EGLN1: variants seen among roughly 807,000 people sequenced by gnomAD.
EGLN1 encodes egl-9 family hypoxia inducible factor 1.
In EGLN1, 17 loss-of-function variants were observed where a neutral mutation model predicts 38.3. That is an observed-to-expected ratio of 0.44 (90% CI 0.30 to 0.67). The LOEUF (loss-of-function observed/expected upper bound fraction) is 0.67, where lower values mean the gene tolerates loss of function less well. Ranked by LOEUF, EGLN1 falls within the 30% of genes least tolerant of loss-of-function variation. EGLN1 has a pLI of 0.08. For synonymous variants in EGLN1, 283 were observed against 257.5 expected, an observed-to-expected ratio of 1.10 and a Z score of -0.95; for missense variants, 477 against 603.3, an observed-to-expected ratio of 0.79 and a Z score of 2.19.
intron 1 of EGLN1, among the ~76,000 whole-genome samples, chr1:231,401,359 G>A (rs919719416): frequency 6.6e-6 from 1 of 152,150 alleles, no homozygotes; most frequent in Admixed American, 6.5e-5. Flanking sequence ...GGTAGAAAGA[G>A]CACCTAATAG....
rs775579171 is a variant in EGLN1, at chr1:231,421,347, G to C, written c.542C>G (p.Pro181Arg). Residue 181 changes from proline to arginine, a missense_variant, in exon 1 of 5, where the codon CCC becomes CGC. Physicochemically the swap from Pro to Arg is moderately radical, Grantham distance 103 (BLOSUM62 -2). Transcript: ENST00000366641. This position sits in a 1 kb window ranked among gnomAD's most constrained non-coding sequence, Gnocchi z 5.5. ...DALSPGGGLR[P>R]NGQTKPLPAL... ...CGGCAGGGGCTTCGTCTGCCCGTTG[G>C]GCCGCAGGCCGCCGCCGGGGCTCAG... 1 of 1,610,268 alleles carries C rather than the reference G, an allele frequency of 6.2e-7. No individual in the cohort carries two copies. The highest frequency in any genetic ancestry group is 8.5e-7 in the Non-Finnish European group (1 of 1,178,410).
At chr1:231,408,535 A>G (rs1177889935) in intron 1 of EGLN1, among the ~76,000 whole-genome samples, 1 of 152,188 alleles carries the variant, frequency 6.6e-6, no homozygotes, top group Non-Finnish European at 1.5e-5. Flanking sequence ...ATGGAGAAAA[A>G]TGAATTAAGG....
Position 231,366,060 on chromosome 1 carries a change from T to C in EGLN1, c.*351A>G, listed in dbSNP as rs1687637666. On this transcript the variant is annotated 3_prime_UTR_variant, in exon 5 of 5. Coordinates refer to ENST00000366641, the MANE Select transcript of EGLN1 (RefSeq NM_022051.3). The stretch of plus-strand genomic sequence containing the variant: ...AAAATTATCCCAAATTCAAACTTGA[T>C]ATAAAAAAGGGAGAGATGAAATGAA... 3.8e-6 allele frequency: 1 copy of C among 263,892 alleles called. No individual in the cohort carries two copies. The highest frequency in any genetic ancestry group is 6.8e-5 in the South Asian group (1 of 14,722). 16.3% of individuals were successfully genotyped at this position (263,892 alleles called of 1,614,324 possible). A position where few individuals can be genotyped will look rare whatever the true frequency, so the allele number is the denominator to read the frequency against.
chr1:231,414,605 C>A (rs1689029252), intron 1 of EGLN1, among the ~76,000 whole-genome samples: 1 of 152,080 alleles, frequency 6.6e-6, no homozygotes, highest in Non-Finnish European at 1.5e-5. Context: ...AAAATTTAAA[C>A]TAGAATGTCA....
In EGLN1 at chr1:231,370,667, T is replaced by G; in HGVS notation, c.1043A>C (p.Glu348Ala). The change falls in exon 3 of 5, where the codon GAA (glutamate) becomes GCA (alanine). Residue 348 changes from glutamate to alanine, a missense_variant. By Grantham distance (107) the Glu-to-Ala change is moderately radical. Coordinates refer to ENST00000366641, the MANE Select transcript of EGLN1 (RefSeq NM_022051.3). ...AATGTCAGCAAACTGGGCTTTGCCT[T>G]CTGGAAAAATTCGAAGTATACCTCC... is the stretch of plus-strand genomic sequence containing the variant. ...VSGGILRIFPEGKAQFADIEP... is the reference protein window; with the variant it reads ...VSGGILRIFPAGKAQFADIEP... 1 of 1,614,124 alleles carries G rather than the reference T, an allele frequency of 6.2e-7. No individual in the cohort carries two copies. The highest frequency in any genetic ancestry group is 8.5e-7 in the Non-Finnish European group (1 of 1,180,014).
In EGLN1 at chr1:231,365,844, A is replaced by C. The variant is rs1687631392; in HGVS notation, c.*567T>G. ...CAATCTGATTTTTCAGTTGTAATTAAAGTGCTCCTTTTCTTATTTTAAGTA... is the reference window on the plus strand; with the variant it reads ...CAATCTGATTTTTCAGTTGTAATTACAGTGCTCCTTTTCTTATTTTAAGTA... On this transcript the variant is annotated 3_prime_UTR_variant, in exon 5 of 5. Transcript: ENST00000366641. 1 of 154,348 alleles carries C rather than the reference A, an allele frequency of 6.5e-6. No individual in the cohort carries two copies. The highest frequency in any genetic ancestry group is 2.0e-4 in the South Asian group (1 of 4,960). The allele number at this position is 154,348 out of a possible 1,614,324, so 9.6% of individuals were successfully genotyped here. A position where few individuals can be genotyped will look rare whatever the true frequency, so the allele number is the denominator to read the frequency against.
At chr1:231,403,942 A>G (rs530708271) in intron 1 of EGLN1, among the ~76,000 whole-genome samples, 1 of 152,174 alleles carries the variant, frequency 6.6e-6, no homozygotes, top group African/African-American at 2.4e-5. Flanking sequence ...TATTTCTATA[A>G]GAAAAACATA....
chr1:231,418,225 C>T (rs746925139), intron 1 of EGLN1, among the ~76,000 whole-genome samples: 2 of 152,144 alleles, frequency 1.3e-5, no homozygotes, highest in Non-Finnish European at 2.9e-5. Flanking sequence ...ACAAAAGTGG[C>T]TTTTAAGCCA....
rs1209417148 is a variant in EGLN1, at chr1:231,421,299, T to C, written c.590A>G (p.Tyr197Cys). Reference sequence around the variant, plus strand: ...GTGCTTGTTCATGCACGGCACGATGTACTCGAGCGCCAGCTTCAGCGCCGG... The same window carrying C: ...GTGCTTGTTCATGCACGGCACGATGCACTCGAGCGCCAGCTTCAGCGCCGG... The part of the protein sequence containing the change: ...PLPALKLALE[Y>C]IVPCMNKHGI... Residue 197 changes from tyrosine to cysteine, a missense_variant, in exon 1 of 5, where the codon TAC becomes TGC. Physicochemically the swap from Tyr to Cys is radical, Grantham distance 194. Coordinates refer to ENST00000366641, the MANE Select transcript of EGLN1 (RefSeq NM_022051.3). This position sits in a 1 kb window ranked among gnomAD's most constrained non-coding sequence, Gnocchi z 5.5. The C allele has an allele frequency of 6.2e-7, 1 of 1,613,070 alleles. No individual in the cohort carries two copies. The highest frequency in any genetic ancestry group is 8.5e-7 in the Non-Finnish European group (1 of 1,179,896).
intron 1 of EGLN1, among the ~76,000 whole-genome samples, chr1:231,414,084 T>A (rs987788210): frequency 6.6e-6 from 1 of 152,108 alleles, no homozygotes; most frequent in Non-Finnish European, 1.5e-5. Context: ...TTAGAAGAGA[T>A]TTAGCTGAAA....
chr1:231,373,278 T>C (rs1053655651), intron 2 of EGLN1, among the ~76,000 whole-genome samples: 1 of 152,138 alleles, frequency 6.6e-6, no homozygotes, highest in African/African-American at 2.4e-5. Flanking sequence ...CCATATAATA[T>C]TTTTACAAAA....
At chr1:231,371,557 T>C (rs1687822673) in intron 2 of EGLN1, among the ~76,000 whole-genome samples, 1 of 152,172 alleles carries the variant, frequency 6.6e-6, no homozygotes, top group Non-Finnish European at 1.5e-5. Flanking sequence ...GGCTCTCCCT[T>C]TCCAGACTGG....
At chr1:231,420,092 G>A (rs1265456247) in intron 1 of EGLN1, 3 of 152,172 alleles carry the variant, frequency 2.0e-5, no homozygotes, top group Non-Finnish European at 2.9e-5. Context: ...CATGAGGGAG[G>A]AAAGAGGGAA....
chr1:231,385,186 T>C (rs1045148920), intron 1 of EGLN1, among the ~76,000 whole-genome samples: 2 of 152,134 alleles, frequency 1.3e-5, no homozygotes, highest in Non-Finnish European at 2.9e-5. Context: ...ATAGGGAAAA[T>C]GTAATTACCA....
chr1:231,406,836 C>T (rs1272580307), intron 1 of EGLN1, among the ~76,000 whole-genome samples: 4 of 152,204 alleles, frequency 2.6e-5, no homozygotes, highest in Non-Finnish European at 4.4e-5. Context: ...TTGTGAGACG[C>T]TAGCTTATAT....
intron 1 of EGLN1, among the ~76,000 whole-genome samples, chr1:231,413,515 G>A (rs1295555098): frequency 6.6e-6 from 1 of 152,088 alleles, no homozygotes; most frequent in African/African-American, 2.4e-5. Context: ...TTATCTAAAA[G>A]AGTACTCCCT....
intron 2 of EGLN1, among the ~76,000 whole-genome samples, chr1:231,372,183 A>T (rs1459101147): frequency 6.6e-6 from 1 of 152,256 alleles, no homozygotes; most frequent in South Asian, 2.1e-4. Flanking sequence ...TGTGCTCCAT[A>T]GCAATCTGTC....
intron 1 of EGLN1, among the ~76,000 whole-genome samples, chr1:231,407,277 T>C (rs969085352): frequency 1.3e-5 from 2 of 152,166 alleles, no homozygotes; most frequent in Admixed American, 6.5e-5. Context: ...TCTAGAAATG[T>C]GGTTAAGGCC....
At chr1:231,412,483 C>G (rs975685400) in intron 1 of EGLN1, among the ~76,000 whole-genome samples, 6 of 152,138 alleles carry the variant, frequency 3.9e-5, no homozygotes, top group Non-Finnish European at 8.8e-5. Flanking sequence ...TCGTATATTT[C>G]TTTTTACGTG....
Sources: gnomAD v4.1 joint callset for allele counts (sites outside exome capture counted in the v4.1 genomes callset) on GRCh38, gnomAD v4.1.1 for gene constraint, Gnocchi (gnomAD v3.1) non-coding constraint, MANE v1.5 for transcripts, NCBI Gene and HGNC (gene_info 2026-07-23, HGNC 2026-07-21) for gene names.